The following THSD7B variants were observed in gnomAD, a reference collection of about 807,000 sequenced individuals.
THSD7B encodes the protein thrombospondin type 1 domain containing 7B, also known as thrombospondin type-1 domain-containing protein 7B.
THSD7B carries 138 observed loss-of-function variants against 213.6 expected under a neutral mutation model. The ratio of observed to expected loss-of-function variants is 0.65; its 90% CI spans 0.56 to 0.74. The LOEUF is 0.74. Among genes scored for constraint, THSD7B ranks in the 30% least tolerant of loss-of-function variants. THSD7B has a pLI of 0.00. For missense variants in THSD7B, 1,931 were observed against 1,991.5 expected (o/e 0.97, Z 0.58); for synonymous variants, 742 against 687.0 (o/e 1.08, Z -1.25).
At chr2:137,366,461 T>C (rs898870006) in intron 12 of THSD7B, among the ~76,000 whole-genome samples, 1 of 152,130 alleles carries the variant, frequency 6.6e-6, no homozygotes, top group Non-Finnish European at 1.5e-5. Flanking sequence ...TTGCTTTACA[T>C]GTGTATTCAG....
intron 1 of THSD7B, among the ~76,000 whole-genome samples, chr2:136,847,547 A>C (rs1683030683): frequency 6.6e-6 from 1 of 152,116 alleles, no homozygotes; most frequent in Non-Finnish European, 1.5e-5. Flanking sequence ...CTGACTATAT[A>C]TCTGGATTTT....
intron 5 of THSD7B, among the ~76,000 whole-genome samples, chr2:137,147,676 G>A (rs1301772258): frequency 1.3e-5 from 2 of 152,016 alleles, no homozygotes; most frequent in East Asian, 3.9e-4. Flanking sequence ...TTAGGTCAGG[G>A]TACCTACCTT....
chr2:137,104,213 T>C (rs1688204199), intron 4 of THSD7B, among the ~76,000 whole-genome samples: 1 of 152,088 alleles, frequency 6.6e-6, no homozygotes, highest in Non-Finnish European at 1.5e-5. Flanking sequence ...AAATTAGAAC[T>C]CAGGATAAGA....
rs566350783 is a variant in THSD7B, at chr2:137,575,191, G to T, written c.3423+2635G>T. 2.0e-4 allele frequency among the ~76,000 whole-genome samples: 31 copies of T among 152,020 alleles called. 1 individual carries two copies. In the East Asian group the frequency reaches 5.8e-3, roughly 28 times the overall value. On this transcript the variant is annotated intron_variant, in intron 17 of 27. Coordinates refer to ENST00000409968, the MANE Select transcript of THSD7B (RefSeq NM_001316349.2). The stretch of plus-strand genomic sequence containing the variant: ...CAATAATAGCTATTTTTTTCAGATT[G>T]TTTAAAAAATTAGATATAATATGTA...
intron 3 of THSD7B, among the ~76,000 whole-genome samples, chr2:137,059,508 C>A (rs186204131): frequency 9.9e-5 from 15 of 152,144 alleles, no homozygotes; most frequent in Admixed American, 4.6e-4. Context: ...CCCTAAGTAT[C>A]CCTTCTACTC....
intron 4 of THSD7B, among the ~76,000 whole-genome samples, chr2:137,103,828 C>T (rs1025877002): frequency 3.3e-5 from 5 of 152,138 alleles, no homozygotes; most frequent in Admixed American, 2.0e-4. Flanking sequence ...CGCAACAAGA[C>T]GAGCTAACTG....
At chr2:137,608,231 T>C (rs1409169979) in intron 17 of THSD7B, among the ~76,000 whole-genome samples, 5 of 152,214 alleles carry the variant, frequency 3.3e-5, no homozygotes, top group African/African-American at 1.2e-4. Flanking sequence ...TGATTTATCT[T>C]GCTTTTTGAT....
chr2:137,251,794 A>T (rs1682182587), intron 10 of THSD7B, among the ~76,000 whole-genome samples: 1 of 152,190 alleles, frequency 6.6e-6, no homozygotes, highest in African/African-American at 2.4e-5. Flanking sequence ...GCATTTTTAA[A>T]TTAACTTCCT....
At chr2:136,818,217 A>G (rs1277029512) in intron 1 of THSD7B, among the ~76,000 whole-genome samples, 1 of 147,490 alleles carries the variant, frequency 6.8e-6, no homozygotes, top group East Asian at 2.1e-4. Flanking sequence ...CTATGCAGCC[A>G]TAAAAAATGA....
At chr2:137,498,338 T>C (rs75180363) in intron 15 of THSD7B, among the ~76,000 whole-genome samples, 1 of 26,992 alleles carries the variant, frequency 3.7e-5, no homozygotes, top group African/African-American at 6.2e-5. Flanking sequence ...GTAAAGTCTT[T>C]TTTTTTTTTT....
intron 1 of THSD7B, among the ~76,000 whole-genome samples, chr2:136,867,074 AACTAGG>A (rs922298595): frequency 6.6e-6 from 1 of 152,186 alleles, no homozygotes; most frequent in African/African-American, 2.4e-5. Context: ...CTAGACTACA[AACTAGG>A]ACTACAAGAT....
intron 15 of THSD7B, among the ~76,000 whole-genome samples, chr2:137,547,586 A>T (rs1558834938): frequency 6.6e-6 from 1 of 152,064 alleles, no homozygotes; most frequent in Non-Finnish European, 1.5e-5. Context: ...GGATAAAAAG[A>T]TGCAGCAATT....
intron 15 of THSD7B, among the ~76,000 whole-genome samples, chr2:137,457,125 C>A (rs1269887690): frequency 2.0e-5 from 3 of 152,076 alleles, no homozygotes; most frequent in Non-Finnish European, 2.9e-5. Context: ...CCACACACAC[C>A]CTATTGTAGA....
intron 15 of THSD7B, among the ~76,000 whole-genome samples, chr2:137,465,703 G>A (rs933337758): frequency 1.3e-4 from 20 of 152,056 alleles, no homozygotes; most frequent in African/African-American, 4.3e-4. Flanking sequence ...AGTAACATGG[G>A]TGTGTACTAC....
rs192110482 is a variant in THSD7B at position 137,222,002 on chromosome 2, G to A, written c.1724-9042G>A. Among the ~76,000 whole-genome samples the A allele has an allele frequency of 9.9e-5, 15 of 152,284 alleles. No homozygotes were observed. In the East Asian group the frequency reaches 1.4e-3, roughly 14 times the overall value. On this transcript the variant is annotated intron_variant, in intron 7 of 27. Coordinates refer to ENST00000409968, the MANE Select transcript of THSD7B (RefSeq NM_001316349.2). The stretch of plus-strand genomic sequence containing the variant: ...TATTTCTGACTTCATAATCCTTTCA[G>A]TTCCTCTTATACTTTTCTAGCTAAG...
chr2:137,670,884 G>C (rs1474982940), intron 27 of THSD7B, among the ~76,000 whole-genome samples: 5 of 138,208 alleles, frequency 3.6e-5, no homozygotes, highest in Non-Finnish European at 7.5e-5. Flanking sequence ...TTGCGCCACT[G>C]CACTGCAGCG....
At chr2:137,590,024 AT>A (rs11302837) in intron 17 of THSD7B, among the ~76,000 whole-genome samples, 53,789 of 150,942 alleles carry the variant, frequency 0.36, 10,888 homozygotes, top group African/African-American at 0.56. Flanking sequence ...TTTTAAGTTC[AT>A]TTTTTTTTTC....
intron 5 of THSD7B, among the ~76,000 whole-genome samples, chr2:137,139,344 A>G (rs1679534171): frequency 6.6e-6 from 1 of 152,140 alleles, no homozygotes; most frequent in African/African-American, 2.4e-5. Context: ...AATAGATTAT[A>G]TCTCTGAAAA....
chr2:136,824,441 A>T (rs1469724792), intron 1 of THSD7B, among the ~76,000 whole-genome samples: 3 of 151,930 alleles, frequency 2.0e-5, no homozygotes, highest in African/African-American at 7.3e-5. Flanking sequence ...TCAGTTTTGG[A>T]TGCATCTAAT....
Sources: gnomAD v4.1 joint callset for allele counts (sites outside exome capture counted in the v4.1 genomes callset) on GRCh38, gnomAD v4.1.1 for gene constraint, MANE v1.5 for transcripts, NCBI Gene and HGNC (gene_info 2026-07-23, HGNC 2026-07-21) for gene names.